Variants in TAPT1 observed in about 807,000 individuals in gnomAD.
The protein encoded by TAPT1 is transmembrane anterior posterior transformation 1.
A neutral mutation model predicts 65.6 loss-of-function variants in TAPT1; 28 were observed. The observed-to-expected ratio is 0.43, with a 90% CI of 0.32 to 0.59. The LOEUF (loss-of-function observed/expected upper bound fraction) is 0.59. TAPT1 is among the 20% of genes least tolerant of loss of function. The pLI, the probability that TAPT1 is intolerant of heterozygous loss-of-function variation, is 0.09. For missense variants in TAPT1, 563 were observed against 679.9 expected, an observed-to-expected ratio of 0.83 and a Z score of 1.91; for synonymous variants, 278 against 245.2, an observed-to-expected ratio of 1.13 and a Z score of -1.25.
chr4:16,179,533 T>C, intron 8 of TAPT1, 44 bp downstream of exon 8: 1 of 1,192,118 alleles, frequency 8.4e-7, no homozygotes, highest in South Asian at 1.6e-5. Context: ...GATTTTGGCT[T>C]AGAAGTAAAA....
intron 13 of TAPT1, among the ~76,000 whole-genome samples, chr4:16,164,931 C>T (rs1183458377): frequency 2.0e-5 from 3 of 152,232 alleles, no homozygotes; most frequent in Non-Finnish European, 4.4e-5. Flanking sequence ...CACAGACCCA[C>T]TTTCAGGTAG....
intron 2 of TAPT1, among the ~76,000 whole-genome samples, chr4:16,204,852 C>A (rs1403717760): frequency 2.0e-5 from 3 of 152,240 alleles, no homozygotes; most frequent in Admixed American, 2.0e-4. Context: ...GCCTCACTCA[C>A]CACTGGATTT....
chr4:16,183,913 T>G (rs1029701231), intron 7 of TAPT1, among the ~76,000 whole-genome samples: 4 of 152,240 alleles, frequency 2.6e-5, no homozygotes, highest in African/African-American at 9.6e-5. Flanking sequence ...CATGGCCTCA[T>G]AGAATCATCT....
At chr4:16,187,742 G>T (rs907061477) in intron 5 of TAPT1, among the ~76,000 whole-genome samples, 3 of 152,030 alleles carry the variant, frequency 2.0e-5, no homozygotes, top group Admixed American at 1.3e-4. Context: ...CTCTCCAATA[G>T]AAAAGCTTAA....
intron 3 of TAPT1, among the ~76,000 whole-genome samples, chr4:16,193,546 C>T (rs1195128957): frequency 6.6e-6 from 1 of 152,148 alleles, no homozygotes; most frequent in Non-Finnish European, 1.5e-5. Context: ...CCAAGGGCTA[C>T]CTGAATATCA....
upstream of TAPT1, chr4:16,226,614 C>CGA (rs1272054921): frequency 8.6e-6 from 3 of 350,068 alleles, no homozygotes; most frequent in African/African-American, 6.8e-5. Context: ...TTGGCGTCAG[C>CGA]GACGCGTGTG....
Position 16,188,369 on chromosome 4 carries a change from T to G in TAPT1, c.613-14A>C. ...ACGATCAGCTACCTAAAAAAAAAAA[T>G]TATTTGTAAGATGTTTCTTAATATT... On this transcript the variant is annotated splice_polypyrimidine_tract_variant and intron_variant, in intron 4 of 13. Coordinates refer to ENST00000405303, the MANE Select transcript of TAPT1 (RefSeq NM_153365.3). The G allele has an allele frequency of 6.6e-7, 1 of 1,512,312 alleles. No individual in the cohort carries two copies. Among genetic ancestry groups the G allele is most frequent in the Non-Finnish European group, 8.9e-7 (1 of 1,126,972 alleles). 93.7% of individuals were successfully genotyped at this position (1,512,312 alleles called of 1,614,324 possible). A position where few individuals can be genotyped will look rare whatever the true frequency, so the allele number is the denominator to read the frequency against.
chr4:16,182,366 T>C (rs1329859296), intron 7 of TAPT1, among the ~76,000 whole-genome samples: 3 of 152,238 alleles, frequency 2.0e-5, no homozygotes, highest in African/African-American at 7.2e-5. Flanking sequence ...AACTGAACTC[T>C]TACATTGATT....
chr4:16,194,066 T>C (rs1329213980), intron 3 of TAPT1, among the ~76,000 whole-genome samples: 1 of 152,186 alleles, frequency 6.6e-6, no homozygotes, highest in Non-Finnish European at 1.5e-5. Flanking sequence ...ATATACATAT[T>C]TTGAATCAAA....
At chr4:16,224,976 C>T (rs1751461169) in intron 1 of TAPT1, among the ~76,000 whole-genome samples, 1 of 152,298 alleles carries the variant, frequency 6.6e-6, no homozygotes, top group African/African-American at 2.4e-5. Flanking sequence ...CAACAGAGTG[C>T]TTTTAATATT....
intron 7 of TAPT1, among the ~76,000 whole-genome samples, chr4:16,182,667 A>G (rs1330639643): frequency 2.0e-5 from 3 of 152,228 alleles, no homozygotes; most frequent in Non-Finnish European, 4.4e-5. Flanking sequence ...GACCTTTCTA[A>G]ATGCACAGTT....
At chr4:16,180,025 A>G (rs866040923) in intron 7 of TAPT1, among the ~76,000 whole-genome samples, 12 of 152,326 alleles carry the variant, frequency 7.9e-5, no homozygotes, top group Non-Finnish European at 1.0e-4. Flanking sequence ...AAATAGAAGC[A>G]AAGAGTAAAA....
chr4:16,171,240 A>C (rs182627624), intron 11 of TAPT1, among the ~76,000 whole-genome samples: 2 of 152,332 alleles, frequency 1.3e-5, no homozygotes, highest in East Asian at 3.9e-4. Context: ...ACACAGGAAA[A>C]ATGGAACCTT....
intron 1 of TAPT1, among the ~76,000 whole-genome samples, chr4:16,222,516 G>A (rs1233744570): frequency 2.6e-5 from 4 of 152,180 alleles, no homozygotes; most frequent in African/African-American, 9.7e-5. Flanking sequence ...ATTTGGTTAA[G>A]TTTGGGGCCA....
intron 1 of TAPT1, among the ~76,000 whole-genome samples, chr4:16,215,132 C>CA (rs889276688): frequency 6.6e-5 from 10 of 151,010 alleles, no homozygotes; most frequent in African/African-American, 2.2e-4. Flanking sequence ...ACTAAAAGTA[C>CA]AAAAAAAAAT....
intron 9 of TAPT1, 111 bp from the exon 10 acceptor site, chr4:16,174,840 A>G: frequency 2.7e-6 from 2 of 752,028 alleles, no homozygotes; most frequent in Non-Finnish European, 4.1e-6. Context: ...AACAAGTGCT[A>G]ATAACCAAGC....
chr4:16,183,015 A>G (rs565500457), intron 7 of TAPT1: 2 of 152,376 alleles, frequency 1.3e-5, no homozygotes, highest in Admixed American at 1.3e-4. Flanking sequence ...AGGAAAATTC[A>G]TAAGAAAAAA....
At chr4:16,225,007 G>A (rs1374240135) in intron 1 of TAPT1, among the ~76,000 whole-genome samples, 1 of 152,126 alleles carries the variant, frequency 6.6e-6, no homozygotes, top group African/African-American at 2.4e-5. Context: ...TAAGTAAACA[G>A]ACAGTTGAGA....
intron 4 of TAPT1, among the ~76,000 whole-genome samples, chr4:16,189,545 T>C (rs548663915): frequency 6.6e-6 from 1 of 152,136 alleles, no homozygotes; most frequent in Non-Finnish European, 1.5e-5. Flanking sequence ...ATCCTCATAA[T>C]CTCCCTAGTA....
Sources: gnomAD v4.1 joint callset for allele counts (sites outside exome capture counted in the v4.1 genomes callset) on GRCh38, gnomAD v4.1.1 for gene constraint, MANE v1.5 for transcripts, NCBI Gene and HGNC (gene_info 2026-07-23, HGNC 2026-07-21) for gene names.